NBPF12: variants seen among roughly 807,000 people sequenced by gnomAD.
The protein encoded by NBPF12 is NBPF family member NBPF12.
Under a neutral mutation model 146.4 loss-of-function variants are expected in NBPF12, and 115 were observed. The ratio of observed to expected loss-of-function variants is 0.79; its 90% CI spans 0.68 to 0.92. NBPF12 has a LOEUF of 0.92. NBPF12 is among the 40% of genes least tolerant of loss of function. The pLI is 0.00. For missense variants in NBPF12, 1,205 were observed against 1,326.8 expected, an observed-to-expected ratio of 0.91 and a Z score of 1.43; for synonymous variants, 385 against 508.9, an observed-to-expected ratio of 0.76 and a Z score of 3.28.
At position 146,939,719 on chromosome 1, in the gene NBPF12, G is replaced by A. The variant is rs1654710584; in HGVS notation, c.-822+737G>A. On this transcript the variant is annotated intron_variant, in intron 1 of 35. Transcript: ENST00000617931. ...TTTCTTCCTACCTTTTGCTGGTGGAGCTGCTTTCGAAAGAAGCACTTTAAG... is the reference window on the plus strand; with the variant it reads ...TTTCTTCCTACCTTTTGCTGGTGGAACTGCTTTCGAAAGAAGCACTTTAAG... 2.0e-5 allele frequency among the ~76,000 whole-genome samples: 3 copies of A among 151,892 alleles called. No homozygotes were observed. In the South Asian group the frequency reaches 6.2e-4, roughly 31 times the overall value.
intron 9 of NBPF12, among the ~76,000 whole-genome samples, chr1:146,967,386 T>C (rs1307094428): frequency 9.7e-4 from 144 of 149,174 alleles, no homozygotes; most frequent in African/African-American, 3.4e-3. Flanking sequence ...CTGTAATCAC[T>C]CCTGCTCAGG....
At chr1:146,995,572 A>G (rs1490308228) in exon 34 of NBPF12, 1 of 151,748 alleles carries the variant, frequency 6.6e-6, no homozygotes. Flanking sequence ...GGACTTGTTT[A>G]TAGAGGACAG....
At chr1:146,972,490 T>C (rs1656715185) in intron 13 of NBPF12, among the ~76,000 whole-genome samples, 1 of 151,478 alleles carries the variant, frequency 6.6e-6, no homozygotes, top group South Asian at 2.1e-4. Context: ...GGGGTAAAAA[T>C]CTCAGGGCCA....
At chr1:146,969,079 C>G (rs1214360721) in intron 10 of NBPF12, among the ~76,000 whole-genome samples, 3 of 151,280 alleles carry the variant, frequency 2.0e-5, no homozygotes, top group Non-Finnish European at 4.4e-5. Flanking sequence ...TGTCCATGGC[C>G]AGAGTGAGGA....
chr1:146,942,812 C>T lies in NBPF12; in HGVS notation c.-821-479C>T, dbSNP rs1440576035. 3.1e-4 allele frequency among the ~76,000 whole-genome samples: 46 copies of T among 148,418 alleles called. 1 individual carries two copies. In the East Asian group the frequency reaches 3.9e-3, roughly 13 times the overall value. ...TGAGATTCCAAAGAAGCATTAACTACGCCCACACACTCTTAATTCCCTAAC... is the reference window on the plus strand; with the variant it reads ...TGAGATTCCAAAGAAGCATTAACTATGCCCACACACTCTTAATTCCCTAAC... On this transcript the variant is annotated intron_variant, in intron 1 of 35. Transcript: ENST00000617931.
At chr1:146,992,506 G>A (rs1658259557) in intron 31 of NBPF12, among the ~76,000 whole-genome samples, 2 of 121,014 alleles carry the variant, frequency 1.7e-5, no homozygotes, top group Admixed American at 8.7e-5. Context: ...GTGTGTGTGT[G>A]TGTGTGTCTA....
intron 4 of NBPF12, among the ~76,000 whole-genome samples, chr1:146,961,337 C>G (rs1169349896): frequency 6.6e-6 from 1 of 151,352 alleles, no homozygotes. Context: ...CTCCTGGGCT[C>G]CATCCAAGTT....
chr1:146,946,716 T>A (rs1655092374), upstream of NBPF12, among the ~76,000 whole-genome samples: 2 of 150,406 alleles, frequency 1.3e-5, no homozygotes, highest in African/African-American at 4.9e-5. Context: ...TTTTTTTTCA[T>A]TAGTAGATTG....
rs1655865153 is a variant in NBPF12 at position 146,961,759 on chromosome 1, A to C, written c.176-402A>C. On this transcript the variant is annotated intron_variant, in intron 4 of 33. Transcript: ENST00000617844. ...AATACCCAGTAAAAGGGAAACCATCAGTCCCATAGTCCTAGGGGCCTTCCC... is the reference window on the plus strand; with the variant it reads ...AATACCCAGTAAAAGGGAAACCATCCGTCCCATAGTCCTAGGGGCCTTCCC... 2.6e-5 allele frequency among the ~76,000 whole-genome samples: 4 copies of C among 151,974 alleles called. No individual in the cohort carries two copies. The South Asian group carries it at 8.3e-4, about 32-fold the overall frequency.
intron 1 of NBPF12, among the ~76,000 whole-genome samples, chr1:146,950,446 G>A (rs1487236569): frequency 5.3e-5 from 8 of 151,812 alleles, no homozygotes; most frequent in Non-Finnish European, 8.8e-5. Context: ...ACATGGAGGG[G>A]ATAAAGAAGT....
chr1:146,964,941 G>A (rs1656094022), exon 8 of NBPF12: 4 of 1,608,516 alleles, frequency 2.5e-6, no homozygotes, highest in Non-Finnish European at 3.4e-6. Context: ...ACTCACTGGA[G>A]GAATGTGCCA....
chr1:146,938,536 C>A (rs1201650520), upstream of NBPF12, among the ~76,000 whole-genome samples: 70 of 152,154 alleles, frequency 4.6e-4, no homozygotes, highest in Non-Finnish European at 8.4e-4. Flanking sequence ...CCGCTGCGCT[C>A]CGTCCTCCAT....
chr1:146,954,007 T>C (rs1305691289), intron 2 of NBPF12, among the ~76,000 whole-genome samples: 2 of 146,710 alleles, frequency 1.4e-5, no homozygotes, highest in African/African-American at 5.1e-5. Flanking sequence ...TGGTCTTTTG[T>C]ATTTCTGTAT....
chr1:146,974,006 C>T (rs1570869270), intron 14 of NBPF12, among the ~76,000 whole-genome samples: 1 of 150,884 alleles, frequency 6.6e-6, no homozygotes, highest in South Asian at 2.1e-4. Flanking sequence ...CCTCAGTTTC[C>T]TCACCTGTTC....
intron 11 of NBPF12, among the ~76,000 whole-genome samples, chr1:146,969,847 G>T (rs1656467765): frequency 6.6e-6 from 1 of 151,094 alleles, no homozygotes; most frequent in Non-Finnish European, 1.5e-5. Flanking sequence ...CATCTATCTA[G>T]TTTTAAAGGA....
At chr1:146,939,747 G>T (rs1654711995) in intron 1 of NBPF12, among the ~76,000 whole-genome samples, 1 of 151,888 alleles carries the variant, frequency 6.6e-6, no homozygotes, top group African/African-American at 2.4e-5. Context: ...ACTTTAAGAG[G>T]CCGACGCGGG....
chr1:146,945,006 TCCTTCCTC>T (rs1654974254), upstream of NBPF12, among the ~76,000 whole-genome samples: 1 of 8,116 alleles, frequency 1.2e-4, no homozygotes, highest in Non-Finnish European at 2.7e-4. Flanking sequence ...CTCCCTCCCT[TCCTTCCTC>T]CCTCCCTCCC....
chr1:146,970,283 G>T (rs1179522821), intron 11 of NBPF12, among the ~76,000 whole-genome samples: 1 of 150,710 alleles, frequency 6.6e-6, no homozygotes, highest in Non-Finnish European at 1.5e-5. Flanking sequence ...CTAAGAGAAA[G>T]AATGAGGTTT....
chr1:146,971,027 G>C lies in NBPF12; in HGVS notation c.1380-156G>C, dbSNP rs1380029128. Among the ~76,000 whole-genome samples the C allele has an allele frequency of 1.7e-4, 25 of 151,410 alleles. 1 individual carries two copies. Among genetic ancestry groups the C allele is most frequent in the African/African-American group, 6.1e-4 (25 of 40,818 alleles). On this transcript the variant is annotated intron_variant, in intron 12 of 33. Transcript: ENST00000617844. ...CATGGCAGCCATGCTCTGTTGCAGA[G>C]AGAAGAGGATTGCCTGTTCCCTCTT...
Sources: gnomAD v4.1 joint callset for allele counts (sites outside exome capture counted in the v4.1 genomes callset) on GRCh38, gnomAD v4.1.1 for gene constraint, MANE v1.5 for transcripts, NCBI Gene and HGNC (gene_info 2026-07-23, HGNC 2026-07-21) for gene names.